The following MED13L variants were observed in gnomAD, a reference collection of about 807,000 sequenced individuals.
MED13L encodes the protein mediator complex subunit 13L, also known as mediator of RNA polymerase II transcription subunit 13-like.
A neutral mutation model predicts 220.9 loss-of-function variants in MED13L; 7 were observed. The ratio of observed to expected loss-of-function variants is 0.03; its 90% confidence interval spans 0.02 to 0.06. The LOEUF (loss-of-function observed/expected upper bound fraction) is 0.06, where lower values mean the gene tolerates loss of function less well. MED13L is among the 10% of genes least tolerant of loss of function. MED13L has a pLI of 1.00. For synonymous variants in MED13L, 1,011 were observed against 1,015.2 expected, an observed-to-expected ratio of 1.00 and a Z score of 0.08; for missense variants, 1,965 against 2,760.5, an observed-to-expected ratio of 0.71 and a Z score of 6.46.
intron 3 of MED13L, among the ~76,000 whole-genome samples, chr12:116,101,049 A>G (rs17498452): frequency 0.15 from 22,542 of 152,210 alleles, 1,887 homozygotes; most frequent in Middle Eastern, 0.21. Context: ...TTGGCTCTGA[A>G]TTTCCATATT....
At chr12:116,034,815 G>C (rs1361277406) in intron 4 of MED13L, among the ~76,000 whole-genome samples, 3 of 152,128 alleles carry the variant, frequency 2.0e-5, no homozygotes, top group Non-Finnish European at 2.9e-5. Flanking sequence ...AGACCAGCCT[G>C]GCCAACATGG....
At chr12:115,976,812 A>G (rs574527389) in intron 23 of MED13L, among the ~76,000 whole-genome samples, 24 of 152,304 alleles carry the variant, frequency 1.6e-4, no homozygotes, top group Non-Finnish European at 3.2e-4. Context: ...AAAAAAGAAA[A>G]CCAGAGAATT....
intron 4 of MED13L, among the ~76,000 whole-genome samples, chr12:116,095,122 A>G (rs949515496): frequency 6.6e-6 from 1 of 152,216 alleles, no homozygotes; most frequent in Non-Finnish European, 1.5e-5. Flanking sequence ...AGATCACGCC[A>G]CTGGCACTCC....
At chr12:116,189,713 T>C (rs943523010) in intron 2 of MED13L, among the ~76,000 whole-genome samples, 15 of 152,342 alleles carry the variant, frequency 9.8e-5, no homozygotes, top group Admixed American at 2.0e-4. Context: ...ACCACTCCAA[T>C]AGCAATGGTT....
chr12:116,212,486 A>G lies in MED13L; in HGVS notation c.310+24982T>C, dbSNP rs557617026. Among the ~76,000 whole-genome samples, 10 of 152,318 alleles carry G rather than the reference A, an allele frequency of 6.6e-5. No individual in the cohort carries two copies. In the South Asian group the frequency reaches 1.9e-3, roughly 28 times the overall value. ...AATTTTATTTTCAGCTGAGTATACTATGACACTATCTTATAAACAACCCCC... is the reference window on the plus strand; with the variant it reads ...AATTTTATTTTCAGCTGAGTATACTGTGACACTATCTTATAAACAACCCCC... On this transcript the variant is annotated intron_variant, in intron 2 of 30. Transcript: ENST00000281928.
chr12:116,011,709 A>T (rs1207135339), intron 9 of MED13L, among the ~76,000 whole-genome samples: 3 of 152,328 alleles, frequency 2.0e-5, no homozygotes, highest in African/African-American at 7.2e-5. Flanking sequence ...GGGAACCCTT[A>T]ATGAGCAAGC....
chr12:116,196,013 G>A (rs2050604743), intron 2 of MED13L, among the ~76,000 whole-genome samples: 1 of 151,994 alleles, frequency 6.6e-6, no homozygotes, highest in African/African-American at 2.4e-5. Context: ...CAGAGGCAAA[G>A]AAGTTTTAAA....
At chr12:116,083,234 T>C (rs1209818081) in intron 4 of MED13L, among the ~76,000 whole-genome samples, 1 of 151,542 alleles carries the variant, frequency 6.6e-6, no homozygotes, top group Non-Finnish European at 1.5e-5. Flanking sequence ...GGCGAAACTG[T>C]CTCTACTAAA....
At chr12:116,218,002 T>A (rs1251127608) in intron 2 of MED13L, among the ~76,000 whole-genome samples, 1 of 152,164 alleles carries the variant, frequency 6.6e-6, no homozygotes, top group East Asian at 1.9e-4. Context: ...AACATAGTCG[T>A]CTAGCACTCA....
intron 2 of MED13L, among the ~76,000 whole-genome samples, chr12:116,170,757 T>C (rs890789156): frequency 6.6e-6 from 1 of 152,022 alleles, no homozygotes; most frequent in African/African-American, 2.4e-5. Context: ...CCCGCCACCA[T>C]GCCTGGCTAA....
rs35510745 is a variant in MED13L at position 116,001,738 on chromosome 12, A to G, written c.2569+1265T>C. Among the ~76,000 whole-genome samples, 794 of 152,312 alleles carry G rather than the reference A, an allele frequency of 5.2e-3. 2 individuals carry two copies. Among genetic ancestry groups the G allele is most frequent in the Admixed American group, 8.6e-3 (131 of 15,298 alleles). ...TCCTGGTGTTAATATTCTGTGCTAC[A>G]TTTCATATTGATTCGTTTTTATAAC... On this transcript the variant is annotated intron_variant, in intron 14 of 30. Transcript: ENST00000281928.
intron 2 of MED13L, among the ~76,000 whole-genome samples, chr12:116,203,698 T>C (rs1882144401): frequency 6.6e-6 from 1 of 152,042 alleles, no homozygotes; most frequent in Admixed American, 6.6e-5. Context: ...CAGGCGCCTG[T>C]AGTCCCAGCT....
At chr12:116,022,745 A>G in intron 4 of MED13L, 144 bp from the exon 5 acceptor site, 1 of 864,054 alleles carries the variant, frequency 1.2e-6, no homozygotes, top group South Asian at 1.5e-5. Context: ...AGAAACTTCT[A>G]ATTCAGTATT....
chr12:116,219,622 A>G (rs1883193895), intron 2 of MED13L, among the ~76,000 whole-genome samples: 1 of 152,206 alleles, frequency 6.6e-6, no homozygotes, highest in African/African-American at 2.4e-5. Context: ...TTTATTGTAC[A>G]CATATTAATT....
chr12:116,001,460 G>A (rs556267756), intron 14 of MED13L, among the ~76,000 whole-genome samples: 8 of 152,228 alleles, frequency 5.3e-5, no homozygotes, highest in Non-Finnish European at 8.8e-5. Context: ...GGCTCCCAAA[G>A]TGCTGGGATT....
chr12:115,995,479 A>G (rs1209807248), intron 16 of MED13L, among the ~76,000 whole-genome samples: 2 of 152,196 alleles, frequency 1.3e-5, no homozygotes, highest in East Asian at 3.8e-4. Context: ...GCTGGAGTGC[A>G]GTAGTGCAAT....
At chr12:116,154,796 ATTC>A (rs909164140) in intron 2 of MED13L, among the ~76,000 whole-genome samples, 1 of 152,154 alleles carries the variant, frequency 6.6e-6, no homozygotes, top group African/African-American at 2.4e-5. Context: ...CGATAAAGAT[ATTC>A]TTTTTATTTA....
intron 2 of MED13L, among the ~76,000 whole-genome samples, chr12:116,178,213 T>G (rs1880223050): frequency 6.6e-6 from 1 of 152,160 alleles, no homozygotes; most frequent in Non-Finnish European, 1.5e-5. Context: ...CAGCATCAGT[T>G]CCATAGATAT....
intron 2 of MED13L, among the ~76,000 whole-genome samples, chr12:116,177,114 G>A (rs1461884091): frequency 2.0e-5 from 3 of 152,078 alleles, no homozygotes; most frequent in South Asian, 2.1e-4. Flanking sequence ...TTTTCACAAA[G>A]TGAACACACC....
Sources: gnomAD v4.1 joint callset for allele counts (sites outside exome capture counted in the v4.1 genomes callset) on GRCh38, gnomAD v4.1.1 for gene constraint, MANE v1.5 for transcripts, NCBI Gene and HGNC (gene_info 2026-07-23, HGNC 2026-07-21) for gene names.